Variants in ULK3 observed in about 807,000 individuals in gnomAD.
The protein encoded by ULK3 is serine/threonine-protein kinase ULK3.
In ULK3, 54 loss-of-function variants were observed where a neutral mutation model predicts 69.4. The ratio of observed to expected loss-of-function variants is 0.78; its 90% CI spans 0.63 to 0.98. The LOEUF (loss-of-function observed/expected upper bound fraction) is 0.98, where lower values mean the gene tolerates loss of function less well. Ranked by LOEUF, ULK3 falls within the 50% of genes least tolerant of loss-of-function variation. The probability of loss-of-function intolerance (pLI) is 0.00; values close to 1 mark genes in which losing one functional copy is unlikely to be tolerated. For synonymous variants in ULK3, 240 were observed against 254.5 expected, an observed-to-expected ratio of 0.94 and a Z score of 0.54; for missense variants, 558 against 627.7, an observed-to-expected ratio of 0.89 and a Z score of 1.19.
chr15:74,838,242 G>T (rs778548524), intron 12 of ULK3, 24 bp downstream of exon 12: 1 of 1,564,206 alleles, frequency 6.4e-7, no homozygotes, highest in Non-Finnish European at 8.7e-7. Flanking sequence ...AGGCCCTGTG[G>T]GGGGCATAAA....
At position 74,837,073 on chromosome 15, in the gene ULK3, G is replaced by A. The variant is rs2064039097; in HGVS notation, c.*155C>T. On this transcript the variant is annotated 3_prime_UTR_variant, in exon 16 of 16. Transcript: ENST00000440863. ...CTGTGGGGTGCAGAGTAACCTGAGG[G>A]AGGCTGGGGACTCTGGGATATGGGG... The A allele has an allele frequency of 9.6e-7, 1 of 1,041,442 alleles. No homozygotes were observed. Among genetic ancestry groups the A allele is most frequent in the African/African-American group, 1.6e-5 (1 of 62,028 alleles). The allele number at this position is 1,041,442 out of a possible 1,614,324, so 64.5% of individuals were successfully genotyped here. A position where few individuals can be genotyped will look rare whatever the true frequency, so the allele number is the denominator to read the frequency against.
rs562305238 is a variant in ULK3 at position 74,842,574 on chromosome 15, T to G, written c.103-154A>C. The G allele has an allele frequency of 2.5e-6, 4 of 1,573,500 alleles. No homozygotes were observed. Among genetic ancestry groups the G allele is most frequent in the African/African-American group, 2.7e-5 (2 of 74,434 alleles). On this transcript the variant is annotated intron_variant, in intron 1 of 15. Coordinates refer to ENST00000440863, the MANE Select transcript of ULK3 (RefSeq NM_001099436.4). The surrounding 1 kb of genome is among the most constrained non-coding windows in gnomAD (Gnocchi z 4.9). ...CACCGGGCTTCCCAGCTTTCCCTTGTGAGGCCAGTGAGGAATGCTGATTCT... is the reference window on the plus strand; with the variant it reads ...CACCGGGCTTCCCAGCTTTCCCTTGGGAGGCCAGTGAGGAATGCTGATTCT...
Position 74,843,043 on chromosome 15 carries a change from G to T in ULK3, c.63C>A (p.Gly21=), listed in dbSNP as rs1271315432. The change falls in exon 1 of 16, where the codon GGC becomes GGA. Residue 21 remains glycine (G), a synonymous_variant. Transcript: ENST00000440863. Reference sequence around the variant, plus strand: ...TGTACACCGTGGCGTACGTGCCGCTGCCCAGGCGCTCGGTGAGGATGAAGC... The same window carrying T: ...TGTACACCGTGGCGTACGTGCCGCTTCCCAGGCGCTCGGTGAGGATGAAGC... ...LDGFILTERL[G]SGTYATVYKA... 1 of 1,527,344 alleles carries T rather than the reference G, an allele frequency of 6.5e-7. No homozygotes were observed. The highest frequency in any genetic ancestry group is 1.9e-4 in the Middle Eastern group (1 of 5,184). The allele number at this position is 1,527,344 out of a possible 1,614,324, so 94.6% of individuals were successfully genotyped here.
chr15:74,837,429 C>T lies in ULK3; in HGVS notation c.1342G>A (p.Glu448Lys). 6.2e-7 allele frequency: 1 copy of T among 1,611,714 alleles called. No homozygotes were observed. Among genetic ancestry groups the T allele is most frequent in the South Asian group, 1.1e-5 (1 of 90,612 alleles). Residue 448 changes from glutamate to lysine, a missense_variant, in exon 15 of 16, where the codon GAA becomes AAA. Transcript: ENST00000440863. ...EYLKEQVKMR[E>K]SRWEADTLDK... ...AGGGTGTCAGCTTCCCAGCGAGATT[C>T]CCTCATCTGTGGGATGTGAAGGCAG...
rs199761061 is a variant in ULK3, at chr15:74,842,108, C to T, written c.331G>A (p.Glu111Lys). 6.2e-7 allele frequency: 1 copy of T among 1,613,922 alleles called. No homozygotes were observed. The highest frequency in any genetic ancestry group is 8.5e-7 in the Non-Finnish European group (1 of 1,179,888). The change falls in exon 3 of 16, where the codon GAG becomes AAG. Residue 111 changes from glutamate to lysine, a missense_variant. Glu to Lys is a moderately conservative substitution (Grantham distance 56). Transcript: ENST00000440863. This position sits in a 1 kb window ranked among gnomAD's most constrained non-coding sequence, Gnocchi z 4.9. ...TGCATGAAGACACGCGCCACCTTCT[C>T]AGGCAGAATCCTGCGGGTATGGATG... ...RFIHTRRILP[E>K]KVARVFMQQL...
In ULK3 at chr15:74,837,411, C is replaced by T. The variant is rs575375397; in HGVS notation, c.1360G>A (p.Asp454Asn). 8.7e-6 allele frequency: 14 copies of T among 1,612,732 alleles called. No individual in the cohort carries two copies. Among genetic ancestry groups the T allele is most frequent in the Non-Finnish European group, 9.3e-6 (11 of 1,179,450 alleles). The change falls in exon 15 of 16, where the codon GAC becomes AAC. Residue 454 changes from aspartate (D) to asparagine (N), a missense_variant. Asp to Asn is a conservative substitution (Grantham distance 23, BLOSUM62 1). Coordinates refer to ENST00000440863, the MANE Select transcript of ULK3 (RefSeq NM_001099436.4). ...GACAGTCCCTCTTTGTCCAGGGTGTCAGCTTCCCAGCGAGATTCCCTCATC... is the reference window on the plus strand; with the variant it reads ...GACAGTCCCTCTTTGTCCAGGGTGTTAGCTTCCCAGCGAGATTCCCTCATC... The part of the protein sequence containing the change: ...VKMRESRWEA[D>N]TLDKEGLSES...
intron 13 of ULK3, 29 bp from the exon 14 acceptor site, chr15:74,837,827 T>A: frequency 6.5e-7 from 1 of 1,532,778 alleles, no homozygotes; most frequent in Non-Finnish European, 8.9e-7. Flanking sequence ...CCCTTGGGTG[T>A]GGGGGAGAGT....
At position 74,842,247 on chromosome 15, in the gene ULK3, C is replaced by T. The variant is rs2064282819; in HGVS notation, c.243+33G>A. On this transcript the variant is annotated intron_variant, in intron 2 of 15. Transcript: ENST00000440863. This position sits in a 1 kb window ranked among gnomAD's most constrained non-coding sequence, Gnocchi z 4.9. ...TGAAGAGAGTGTCCCTTCTCCAGCTCCCTTTGGCAGCGGCCCCGCCCCAGG... is the reference window on the plus strand; with the variant it reads ...TGAAGAGAGTGTCCCTTCTCCAGCTTCCTTTGGCAGCGGCCCCGCCCCAGG... 4 of 1,613,948 alleles carry T rather than the reference C, an allele frequency of 2.5e-6. No homozygotes were observed. The highest frequency in any genetic ancestry group is 3.4e-6 in the Non-Finnish European group (4 of 1,179,830).
At chr15:74,841,982 T>C (rs955798003) in intron 3 of ULK3, 93 bp downstream of exon 3, 3 of 1,576,736 alleles carry the variant, frequency 1.9e-6, no homozygotes, top group Middle Eastern at 2.1e-4. Context: ...GCAGCTGCAA[T>C]GCGTGCCAAG....
At chr15:74,841,309 A>G in intron 4 of ULK3, 96 bp downstream of exon 4, 1 of 1,014,234 alleles carries the variant, frequency 9.9e-7, no homozygotes, top group Non-Finnish European at 1.5e-6. Flanking sequence ...AGGACTCTAT[A>G]GAGGGCTCCA....
rs374894669 is a variant in ULK3, at chr15:74,840,299, G to T, written c.631C>A (p.Pro211Thr). ...GAGAACGACCTGGAGGCAAAGGGGG[G>T]CTGCCCGAAGAGGGCTTCTGTGGAA... ...VILYEALFGQPPFASRSFSEL... is the reference protein window; with the variant it reads ...VILYEALFGQTPFASRSFSEL... Residue 211 changes from proline to threonine, a missense_variant, in exon 6 of 16, where the codon CCC becomes ACC. By Grantham distance (38) the Pro-to-Thr change is conservative. Coordinates refer to ENST00000440863, the MANE Select transcript of ULK3 (RefSeq NM_001099436.4). The T allele has an allele frequency of 6.2e-7, 1 of 1,610,106 alleles. No homozygotes were observed. The highest frequency in any genetic ancestry group is 1.1e-5 in the South Asian group (1 of 90,144).
rs1596401156 is a variant in ULK3 at position 74,840,701 on chromosome 15, T to G, written c.470-60A>C. 7 of 1,513,858 alleles carry G rather than the reference T, an allele frequency of 4.6e-6. No homozygotes were observed. In the South Asian group the frequency reaches 9.5e-5, roughly 20 times the overall value. 93.8% of individuals were successfully genotyped at this position (1,513,858 alleles called of 1,614,324 possible). A position where few individuals can be genotyped will look rare whatever the true frequency, so the allele number is the denominator to read the frequency against. ...TCCAGCTGCTTCAGCTCCTGACTTGTAAAGCCTCACCCCAGGCTCCTCTCC... is the reference window on the plus strand; with the variant it reads ...TCCAGCTGCTTCAGCTCCTGACTTGGAAAGCCTCACCCCAGGCTCCTCTCC... On this transcript the variant is annotated intron_variant, in intron 4 of 15. Transcript: ENST00000440863.
At chr15:74,839,484 C>A in intron 7 of ULK3, 74 bp downstream of exon 7, 2 of 1,538,600 alleles carry the variant, frequency 1.3e-6, no homozygotes, top group African/African-American at 2.7e-5. Flanking sequence ...GGTGAGTCAC[C>A]AATTCACCAC....
In ULK3 at chr15:74,838,507, G is replaced by A; in HGVS notation, c.1103-3C>T. On this transcript the variant is annotated splice_polypyrimidine_tract_variant and splice_region_variant and intron_variant, in intron 10 of 15. Coordinates refer to ENST00000440863, the MANE Select transcript of ULK3 (RefSeq NM_001099436.4). ...GCGTGGCTTGTCCCGGGCCATCTCT[G>A]AGATGAGGGGAAAGGCTCAGGGTGA... The A allele has an allele frequency of 6.4e-7, 1 of 1,571,748 alleles. No individual in the cohort carries two copies. Among genetic ancestry groups the A allele is most frequent in the Non-Finnish European group, 8.6e-7 (1 of 1,158,530 alleles).
chr15:74,840,867 C>T (rs902993143), intron 4 of ULK3, among the ~76,000 whole-genome samples: 8 of 152,128 alleles, frequency 5.3e-5, no homozygotes, highest in Admixed American at 1.3e-4. Flanking sequence ...CTAGGAAGCC[C>T]ACCTGATCAC....
Position 74,837,182 on chromosome 15 carries a change from C to T in ULK3, c.*46G>A, listed in dbSNP as rs182118874. On this transcript the variant is annotated 3_prime_UTR_variant, in exon 16 of 16. Transcript: ENST00000440863. ...TCTTGGCGTCAGCCTGGGTTAGTGC[C>T]CCTCTGCTCCAGATGGCTCACATCT... 1.2e-5 allele frequency: 19 copies of T among 1,521,550 alleles called. No individual in the cohort carries two copies. In the Admixed American group the frequency reaches 2.6e-4, roughly 21 times the overall value. 94.3% of individuals were successfully genotyped at this position (1,521,550 alleles called of 1,614,324 possible). A position where few individuals can be genotyped will look rare whatever the true frequency, so the allele number is the denominator to read the frequency against.
intron 8 of ULK3, 84 bp from the exon 9 acceptor site, chr15:74,839,134 A>G: frequency 6.5e-7 from 1 of 1,543,734 alleles, no homozygotes; most frequent in Non-Finnish European, 8.8e-7. Context: ...TCAAAACACA[A>G]TATTCCAGGT....
In ULK3 at chr15:74,842,913, T is replaced by C. The variant is rs950489434; in HGVS notation, c.102+91A>G. On this transcript the variant is annotated intron_variant, in intron 1 of 15. Transcript: ENST00000440863. This position sits in a 1 kb window ranked among gnomAD's most constrained non-coding sequence, Gnocchi z 4.9. ...GAGGCCGGCCTCCCGCCCCTAACTA[T>C]TCCCACACTGTCGCTAACCTCTCAG... The C allele has an allele frequency of 1.4e-6, 2 of 1,417,168 alleles. No individual in the cohort carries two copies. Among genetic ancestry groups the C allele is most frequent in the Non-Finnish European group, 1.9e-6 (2 of 1,052,912 alleles). 87.8% of individuals were successfully genotyped at this position (1,417,168 alleles called of 1,614,324 possible).
chr15:74,838,931 G>C lies in ULK3; in HGVS notation c.999+79C>G, dbSNP rs139193746. 5,595 of 1,531,084 alleles carry C rather than the reference G, an allele frequency of 3.7e-3. 90 individuals are homozygous for C. In the African/African-American group the frequency reaches 0.045, roughly 12 times the overall value. 94.8% of individuals were successfully genotyped at this position (1,531,084 alleles called of 1,614,324 possible). A position where few individuals can be genotyped will look rare whatever the true frequency, so the allele number is the denominator to read the frequency against. ...AGGAGAGGAAGTTCCAATTCTAAGA[G>C]AGCCATTCCCCAGAGGCCCCCGAGA... On this transcript the variant is annotated intron_variant, in intron 9 of 15. Transcript: ENST00000440863.
Sources: allele counts gnomAD v4.1 joint callset (sites outside exome capture counted in the v4.1 genomes callset), GRCh38; gene constraint gnomAD v4.1.1; non-coding constraint Gnocchi (gnomAD v3.1); transcripts MANE v1.5; gene names NCBI Gene and HGNC (gene_info 2026-07-23, HGNC 2026-07-21).